The following GRIN2B variants were observed in gnomAD, a reference collection of about 807,000 sequenced individuals.
GRIN2B encodes the protein glutamate ionotropic receptor NMDA type subunit 2B.
In GRIN2B, 5 loss-of-function variants were observed where a neutral mutation model predicts 114.5. That is an observed-to-expected ratio of 0.04 (90% CI 0.02 to 0.09). The LOEUF is 0.09. GRIN2B is among the 10% of genes least tolerant of loss of function. The pLI, the probability that GRIN2B is intolerant of heterozygous loss-of-function variation, is 1.00. For missense variants in GRIN2B, 1,108 were observed against 1,943.5 expected (o/e 0.57, Z 8.08); for synonymous variants, 787 against 745.1 (o/e 1.06, Z -0.92).
chr12:13,791,190 G>A (rs899743588), intron 3 of GRIN2B, among the ~76,000 whole-genome samples: 3 of 152,136 alleles, frequency 2.0e-5, no homozygotes, highest in African/African-American at 7.2e-5. Context: ...CTGGCGAGGC[G>A]CGGTGGCTCA....
intron 3 of GRIN2B, among the ~76,000 whole-genome samples, chr12:13,832,648 A>T (rs1474663294): frequency 2.0e-5 from 3 of 152,226 alleles, no homozygotes; most frequent in Non-Finnish European, 4.4e-5. Flanking sequence ...CTTCTATAAC[A>T]TGATTTTTAA....
intron 2 of GRIN2B, among the ~76,000 whole-genome samples, chr12:13,951,271 T>C (rs1867473294): frequency 6.6e-6 from 1 of 152,172 alleles, no homozygotes; most frequent in South Asian, 2.1e-4. Context: ...GGGAACCTCC[T>C]GTATGCAGAC....
At chr12:13,939,027 G>T (rs566325126) in intron 2 of GRIN2B, among the ~76,000 whole-genome samples, 1 of 152,188 alleles carries the variant, frequency 6.6e-6, no homozygotes, top group East Asian at 1.9e-4. Context: ...AACAAAATAG[G>T]AGCTCACCTC....
At chr12:13,649,519 TTAGAGCC>T (rs1222303740) in intron 5 of GRIN2B, among the ~76,000 whole-genome samples, 1 of 152,118 alleles carries the variant, frequency 6.6e-6, no homozygotes, top group East Asian at 1.9e-4. Flanking sequence ...TACAGGAATC[TTAGAGCC>T]TACATTTTTT....
chr12:13,960,254 G>T (rs369635106), intron 2 of GRIN2B, among the ~76,000 whole-genome samples: 2 of 152,116 alleles, frequency 1.3e-5, no homozygotes, highest in African/African-American at 2.4e-5. Flanking sequence ...TAATATGCCA[G>T]GTACTGTTCT....
chr12:13,816,774 T>A (rs1591748536), intron 3 of GRIN2B, among the ~76,000 whole-genome samples: 1 of 152,260 alleles, frequency 6.6e-6, no homozygotes, highest in African/African-American at 2.4e-5. Flanking sequence ...GTGTGTACAT[T>A]AATTTCCTTC....
chr12:13,869,117 A>G (rs1865867795), intron 2 of GRIN2B, among the ~76,000 whole-genome samples: 1 of 152,150 alleles, frequency 6.6e-6, no homozygotes, highest in Admixed American at 6.5e-5. Flanking sequence ...TTTATTACCA[A>G]TATATGATGA....
intron 10 of GRIN2B, among the ~76,000 whole-genome samples, chr12:13,582,059 A>G (rs1357478392): frequency 6.6e-6 from 1 of 152,248 alleles, no homozygotes; most frequent in Non-Finnish European, 1.5e-5. Context: ...CTGAATTTTA[A>G]CAATGTTCCA....
At chr12:13,889,769 T>A (rs923542767) in intron 2 of GRIN2B, among the ~76,000 whole-genome samples, 1 of 152,200 alleles carries the variant, frequency 6.6e-6, no homozygotes, top group African/African-American at 2.4e-5. Context: ...AAAATTGGCA[T>A]ACACCTGTCT....
At chr12:13,936,192 A>G (rs1867128077) in intron 2 of GRIN2B, among the ~76,000 whole-genome samples, 1 of 152,170 alleles carries the variant, frequency 6.6e-6, no homozygotes, top group Admixed American at 6.5e-5. Flanking sequence ...GACAGCACCC[A>G]TTACAGTGTT....
At chr12:13,728,465 GA>G (rs1278531053) in intron 4 of GRIN2B, among the ~76,000 whole-genome samples, 4 of 152,112 alleles carry the variant, frequency 2.6e-5, no homozygotes, top group African/African-American at 4.8e-5. Context: ...TTAAAAATAA[GA>G]AATTTGTTTT....
At chr12:13,660,478 T>C (rs970013733) in intron 5 of GRIN2B, among the ~76,000 whole-genome samples, 2 of 152,176 alleles carry the variant, frequency 1.3e-5, no homozygotes, top group African/African-American at 4.8e-5. Flanking sequence ...AACTGATTGA[T>C]AAAAGTGCTA....
rs1293666738 is a variant in GRIN2B at position 13,615,419 on chromosome 12, A to C, written c.1500+74T>G. 60 of 1,461,544 alleles carry C rather than the reference A, an allele frequency of 4.1e-5. No homozygotes were observed. In the South Asian group the frequency reaches 6.1e-4, roughly 15 times the overall value. 90.5% of individuals were successfully genotyped at this position (1,461,544 alleles called of 1,614,324 possible). A position where few individuals can be genotyped will look rare whatever the true frequency, so the allele number is the denominator to read the frequency against. On this transcript the variant is annotated intron_variant, in intron 7 of 13. Transcript: ENST00000609686. This position sits in a 1 kb window ranked among gnomAD's most constrained non-coding sequence, Gnocchi z 5.8. ...ATTTTCTGAAATGCATAAAGTGAGC[A>C]CGTTTTAAACTTATATTTAGAAGAA...
At chr12:13,633,385 C>A (rs997240681) in intron 5 of GRIN2B, among the ~76,000 whole-genome samples, 5 of 152,150 alleles carry the variant, frequency 3.3e-5, no homozygotes, top group African/African-American at 1.2e-4. Flanking sequence ...GTTTACACAA[C>A]CATTTTCCAA....
At chr12:13,751,146 A>G (rs1300385746) in intron 4 of GRIN2B, among the ~76,000 whole-genome samples, 1 of 152,180 alleles carries the variant, frequency 6.6e-6, no homozygotes, top group Non-Finnish European at 1.5e-5. Context: ...GTGTTTTTGA[A>G]GAACTAAGCT....
At chr12:13,632,492 G>C (rs1246981892) in intron 5 of GRIN2B, among the ~76,000 whole-genome samples, 1 of 152,230 alleles carries the variant, frequency 6.6e-6, no homozygotes, top group Non-Finnish European at 1.5e-5. Flanking sequence ...TTCCCCCACT[G>C]CTTCCACAGT....
chr12:13,796,033 T>G (rs1864413542), intron 3 of GRIN2B, among the ~76,000 whole-genome samples: 1 of 146,792 alleles, frequency 6.8e-6, no homozygotes, highest in South Asian at 2.1e-4. Flanking sequence ...TATACATATG[T>G]AACAAACCTG....
At chr12:13,608,527 C>T in intron 10 of GRIN2B, 76 bp downstream of exon 10, 1 of 1,046,976 alleles carries the variant, frequency 9.6e-7, no homozygotes, top group Non-Finnish European at 1.5e-6. Context: ...AGAAGACAAG[C>T]AGGTACATGA....
In GRIN2B at chr12:13,753,422, G is replaced by T. The variant is rs1321033549; in HGVS notation, c.905C>A (p.Thr302Asn). ...CTCAGACAGCATGTCAGAAGCAGCA[G>T]TGGTGATTATGGCAATTCCATCTCT... ...RVRDGIAIIT[T>N]AASDMLSEHS... is the part of the protein sequence containing the mutation. The change falls in exon 4 of 14, where the codon ACT (threonine) becomes AAT (asparagine). Residue 302 changes from threonine (T) to asparagine (N), a missense_variant. This residue lies in a region of GRIN2B where 199 missense variants were observed against 439.6 expected (regional missense o/e 0.45). Coordinates refer to ENST00000609686, the MANE Select transcript of GRIN2B (RefSeq NM_000834.5). This position sits in a 1 kb window ranked among gnomAD's most constrained non-coding sequence, Gnocchi z 6.2. 6.2e-7 allele frequency: 1 copy of T among 1,613,856 alleles called. No individual in the cohort carries two copies. The highest frequency in any genetic ancestry group is 8.5e-7 in the Non-Finnish European group (1 of 1,179,810).
Sources: allele counts gnomAD v4.1 joint callset (sites outside exome capture counted in the v4.1 genomes callset), GRCh38; gene constraint gnomAD v4.1.1; regional missense constraint gnomAD v4.1.1; non-coding constraint Gnocchi (gnomAD v3.1); transcripts MANE v1.5; gene names NCBI Gene and HGNC (gene_info 2026-07-23, HGNC 2026-07-21).